Variants in STX8 observed in about 807,000 individuals in gnomAD.
The protein encoded by STX8 is syntaxin-8.
A neutral mutation model predicts 37.5 loss-of-function variants in STX8; 23 were observed. The ratio of observed to expected loss-of-function variants is 0.61; its 90% CI spans 0.44 to 0.87. The LOEUF (loss-of-function observed/expected upper bound fraction) is 0.87. Ranked by LOEUF, STX8 falls within the 40% of genes least tolerant of loss-of-function variation. The pLI, the probability that STX8 is intolerant of heterozygous loss-of-function variation, is 0.00. For synonymous variants in STX8, 115 were observed against 99.1 expected (o/e 1.16, Z -0.95); for missense variants, 313 against 284.7 (o/e 1.10, Z -0.71).
chr17:9,336,060 T>C (rs1910129760), intron 7 of STX8, among the ~76,000 whole-genome samples: 1 of 152,220 alleles, frequency 6.6e-6, no homozygotes, highest in Non-Finnish European at 1.5e-5. Context: ...TATTCAAGGA[T>C]GCTCTATTAC....
chr17:9,533,447 A>T (rs1905899773), intron 4 of STX8, among the ~76,000 whole-genome samples: 1 of 152,220 alleles, frequency 6.6e-6, no homozygotes, highest in African/African-American at 2.4e-5. Context: ...CCTGGGTGAC[A>T]GAGTGAGACT....
intron 2 of STX8, among the ~76,000 whole-genome samples, chr17:9,559,450 C>T (rs1255914324): frequency 6.6e-6 from 1 of 151,490 alleles, no homozygotes; most frequent in African/African-American, 2.4e-5. Context: ...AGTAATAAAG[C>T]TCATGGTGTT....
chr17:9,480,066 C>T (rs773004238), intron 6 of STX8, among the ~76,000 whole-genome samples: 72 of 152,184 alleles, frequency 4.7e-4, no homozygotes, highest in Non-Finnish European at 7.2e-4. Flanking sequence ...TTTTCTAACC[C>T]TCAAACCATG....
At position 9,476,289 on chromosome 17, in the gene STX8, T is replaced by A. The variant is rs1299579463; in HGVS notation, c.541+15540A>T. On this transcript the variant is annotated intron_variant, in intron 6 of 7. Transcript: ENST00000306357. ...TAAATATGAAGAATCAATGAAGAAT[T>A]AGCAGACGTGAGGAAAAGCCCATAG... Among the ~76,000 whole-genome samples the A allele has an allele frequency of 3.9e-5, 6 of 152,180 alleles. No homozygotes were observed. In the East Asian group the frequency reaches 1.2e-3, roughly 29 times the overall value.
At chr17:9,361,547 A>T (rs2142260112) in intron 7 of STX8, among the ~76,000 whole-genome samples, 1 of 152,354 alleles carries the variant, frequency 6.6e-6, no homozygotes, top group Non-Finnish European at 1.5e-5. Context: ...CGGACAGAAC[A>T]ATCAATGTGG....
At chr17:9,372,910 C>T (rs1483559601) in intron 7 of STX8, among the ~76,000 whole-genome samples, 1 of 150,694 alleles carries the variant, frequency 6.6e-6, no homozygotes, top group East Asian at 2.0e-4. Context: ...TCGAGACCAG[C>T]CTGACCAACA....
intron 7 of STX8, among the ~76,000 whole-genome samples, chr17:9,333,014 C>A (rs778468265): frequency 6.6e-6 from 1 of 152,136 alleles, no homozygotes; most frequent in East Asian, 1.9e-4. Context: ...ATTCCCCTAC[C>A]GAGAATGAAG....
intron 7 of STX8, among the ~76,000 whole-genome samples, chr17:9,311,232 G>A (rs1354221086): frequency 2.9e-5 from 4 of 136,904 alleles, no homozygotes; most frequent in African/African-American, 6.1e-5. Context: ...GCAAGACTCC[G>A]TCTCAAAAAA....
At chr17:9,484,462 G>C (rs1366762520) in intron 6 of STX8, among the ~76,000 whole-genome samples, 1 of 151,814 alleles carries the variant, frequency 6.6e-6, no homozygotes, top group Non-Finnish European at 1.5e-5. Context: ...GAAGCAGAGA[G>C]GGAAGAACAG....
At chr17:9,384,794 T>TGTGTGTGTGTG (rs1911932769) in intron 6 of STX8, among the ~76,000 whole-genome samples, 1 of 147,656 alleles carries the variant, frequency 6.8e-6, no homozygotes, top group African/African-American at 2.5e-5. Flanking sequence ...CCAGATAGAC[T>TGTGTGTGTGTG]TGTGTGTGTG....
chr17:9,406,820 G>C (rs948814244), intron 6 of STX8, among the ~76,000 whole-genome samples: 1 of 152,046 alleles, frequency 6.6e-6, no homozygotes, highest in African/African-American at 2.4e-5. Flanking sequence ...TATTGAAAAA[G>C]ATCCATGTAT....
At chr17:9,526,997 G>A (rs1192100283) in intron 4 of STX8, among the ~76,000 whole-genome samples, 1 of 150,056 alleles carries the variant, frequency 6.7e-6, no homozygotes, top group Non-Finnish European at 1.5e-5. Context: ...GGCTAACAAG[G>A]TGAAACCCCG....
intron 4 of STX8, among the ~76,000 whole-genome samples, chr17:9,538,463 G>A (rs966900053): frequency 6.6e-6 from 1 of 152,196 alleles, no homozygotes; most frequent in Non-Finnish European, 1.5e-5. Context: ...TTCAAATGGG[G>A]AGGAGCATTT....
chr17:9,338,713 A>G (rs12943358), intron 7 of STX8, among the ~76,000 whole-genome samples: 22,796 of 152,056 alleles, frequency 0.15, 1,916 homozygotes, highest in African/African-American at 0.21. Flanking sequence ...AATAAAATCA[A>G]TTTCCAAGGC....
intron 7 of STX8, among the ~76,000 whole-genome samples, chr17:9,317,097 C>T (rs1315237014): frequency 6.6e-6 from 1 of 152,016 alleles, no homozygotes; most frequent in Non-Finnish European, 1.5e-5. Flanking sequence ...TGGATTTACT[C>T]TGGAAAAGAT....
chr17:9,522,667 G>A (rs1223000630), intron 4 of STX8, among the ~76,000 whole-genome samples: 2 of 151,738 alleles, frequency 1.3e-5, no homozygotes, highest in East Asian at 1.9e-4. Context: ...AGCCGAGATC[G>A]CGCCACTGCA....
Position 9,362,865 on chromosome 17 carries a change from A to AAATAAATAAATAAATT in STX8, c.643+15686_643+15687insAATTTATTTATTTATT, listed in dbSNP as rs56709199. On this transcript the variant is annotated intron_variant, in intron 7 of 7. Coordinates refer to ENST00000306357, the MANE Select transcript of STX8 (RefSeq NM_004853.3). ...AAAATAAATAAATAAATAAATAAAT[A>AAATAAATAAATAAATT]ATCTCTTTCTTGTTTTGTTCCAATG... 4.1e-5 allele frequency among the ~76,000 whole-genome samples: 6 copies of AAATAAATAAATAAATT among 147,300 alleles called. 1 individual carries two copies. The highest frequency in any genetic ancestry group is 1.9e-4 in the East Asian group (1 of 5,154).
At chr17:9,505,428 T>C (rs1904787144) in intron 4 of STX8, among the ~76,000 whole-genome samples, 1 of 152,164 alleles carries the variant, frequency 6.6e-6, no homozygotes, top group South Asian at 2.1e-4. Flanking sequence ...CTCCAAGAGA[T>C]GTTTGAGTTA....
rs1421809967 is a variant in STX8, at chr17:9,546,604, T to TTTC, written c.213-1323_213-1322insGAA. On this transcript the variant is annotated intron_variant, in intron 3 of 7. Transcript: ENST00000306357. ...ACTACAAAAGTGGTTTTTTTTTTTTTTTTTTTTTTTTGGAGACGGAGCCTT... is the reference window on the plus strand; with the variant it reads ...ACTACAAAAGTGGTTTTTTTTTTTTTTTCTTTTTTTTTTTGGAGACGGAGCCTT... Among the ~76,000 whole-genome samples the TTTC allele has an allele frequency of 6.6e-4, 89 of 135,528 alleles. 1 individual carries two copies. Among genetic ancestry groups the TTTC allele is most frequent in the South Asian group, 1.6e-3 (6 of 3,854 alleles). 88.9% of individuals were successfully genotyped at this position (135,528 alleles called of 152,430 possible).
Sources: gnomAD v4.1 joint callset for allele counts (sites outside exome capture counted in the v4.1 genomes callset) on GRCh38, gnomAD v4.1.1 for gene constraint, MANE v1.5 for transcripts, NCBI Gene and HGNC (gene_info 2026-07-23, HGNC 2026-07-21) for gene names.